Variants in ADAM12 observed in about 807,000 individuals in gnomAD.
ADAM12 encodes the protein ADAM metallopeptidase domain 12, also known as disintegrin and metalloproteinase domain-containing protein 12.
ADAM12 carries 70 observed loss-of-function variants against 106.4 expected under a neutral mutation model. That is an observed-to-expected ratio of 0.66 (90% CI 0.54 to 0.80). The LOEUF is 0.80. Among genes scored for constraint, ADAM12 ranks in the 30% least tolerant of loss-of-function variants. ADAM12 has a pLI of 0.00. For synonymous variants in ADAM12, 420 were observed against 433.5 expected, an observed-to-expected ratio of 0.97 and a Z score of 0.39; for missense variants, 1,010 against 1,171.9, an observed-to-expected ratio of 0.86 and a Z score of 2.02.
At chr10:126,220,278 G>A (rs535087983) in intron 3 of ADAM12, among the ~76,000 whole-genome samples, 64 of 152,148 alleles carry the variant, frequency 4.2e-4, no homozygotes, top group Admixed American at 7.9e-4. Context: ...ACGAGGTGCC[G>A]AGCACCACAC....
chr10:126,014,011 G>T lies in ADAM12; in HGVS notation c.*3268C>A, dbSNP rs966982802. The stretch of plus-strand genomic sequence containing the variant: ...GTGAGGAAGGATCTCCAGCCTGAGT[G>T]TGCCGTGGGCCCCCCGAATACATAG... On this transcript the variant is annotated 3_prime_UTR_variant, in exon 23 of 23. Transcript: ENST00000448723. The T allele has an allele frequency of 1.3e-5, 2 of 152,370 alleles. No individual in the cohort carries two copies. The highest frequency in any genetic ancestry group is 4.8e-5 in the African/African-American group (2 of 41,456). The allele number at this position is 152,370 out of a possible 1,614,324, so 9.4% of individuals were successfully genotyped here.
intron 5 of ADAM12, among the ~76,000 whole-genome samples, chr10:126,128,834 G>T (rs1364287780): frequency 8.0e-6 from 1 of 124,728 alleles, no homozygotes; most frequent in African/African-American, 3.1e-5. Flanking sequence ...GTGAGTGTGT[G>T]GTGCGTGTGG....
chr10:126,256,222 AC>A (rs1958889914), intron 3 of ADAM12, among the ~76,000 whole-genome samples: 1 of 152,220 alleles, frequency 6.6e-6, no homozygotes, highest in Admixed American at 6.5e-5. Flanking sequence ...TCTACCAATC[AC>A]ATTGTATGAA....
intron 3 of ADAM12, among the ~76,000 whole-genome samples, chr10:126,245,912 G>A (rs896483922): frequency 2.6e-5 from 4 of 152,190 alleles, no homozygotes; most frequent in Non-Finnish European, 5.9e-5. Flanking sequence ...GCCTACAGGT[G>A]TGTACGGTTT....
At chr10:126,306,299 GTA>G (rs1189081921) in intron 2 of ADAM12, among the ~76,000 whole-genome samples, 2 of 151,806 alleles carry the variant, frequency 1.3e-5, no homozygotes, top group Non-Finnish European at 2.9e-5. Flanking sequence ...TATTAACTTA[GTA>G]TCTTTACTGT....
intron 3 of ADAM12, among the ~76,000 whole-genome samples, chr10:126,245,997 T>A (rs949474191): frequency 6.6e-6 from 1 of 151,894 alleles, no homozygotes; most frequent in South Asian, 2.1e-4. Context: ...GAGAAAATAG[T>A]TGGATTGACC....
intron 3 of ADAM12, among the ~76,000 whole-genome samples, chr10:126,261,985 CA>C (rs1959010882): frequency 6.6e-6 from 1 of 152,028 alleles, no homozygotes; most frequent in Non-Finnish European, 1.5e-5. Flanking sequence ...ACTTCTAAAT[CA>C]AAACCTATAG....
At chr10:126,243,489 A>ATGTGTGTGTGTGTGTGTGTGTGTG (rs57227903) in intron 3 of ADAM12, among the ~76,000 whole-genome samples, 42 of 146,946 alleles carry the variant, frequency 2.9e-4, no homozygotes, top group Non-Finnish European at 5.0e-4. Context: ...GTGTGAGTGT[A>ATGTGTGTGTGTGTGTGTGTGTGTG]TGTGTGTGTG....
chr10:126,275,355 T>C lies in ADAM12; in HGVS notation c.260+3560A>G, dbSNP rs4962547. ...GGTCCATAGGCAGACAGCAATATTG[T>C]GCAAAATGCTTCTCAGGGGCTATAC... On this transcript the variant is annotated intron_variant, in intron 3 of 22. Transcript: ENST00000448723. 8.4e-3 allele frequency among the ~76,000 whole-genome samples: 1,281 copies of C among 152,340 alleles called. 30 individuals are homozygous for C. The East Asian group carries it at 0.11, about 13-fold the overall frequency.
At chr10:126,167,015 A>C (rs1470974301) in intron 3 of ADAM12, among the ~76,000 whole-genome samples, 2 of 152,318 alleles carry the variant, frequency 1.3e-5, no homozygotes, top group East Asian at 3.9e-4. Flanking sequence ...CGTTTCTACC[A>C]ACACAGGTAA....
chr10:126,257,402 C>T (rs932356686), intron 3 of ADAM12, among the ~76,000 whole-genome samples: 2 of 152,172 alleles, frequency 1.3e-5, no homozygotes, highest in African/African-American at 2.4e-5. Flanking sequence ...GCAGGAATTG[C>T]ACTGAGTTTA....
At chr10:126,110,786 T>C (rs1325030198) in intron 6 of ADAM12, among the ~76,000 whole-genome samples, 1 of 152,202 alleles carries the variant, frequency 6.6e-6, no homozygotes, top group Middle Eastern at 3.2e-3. Flanking sequence ...AAGCAGTTCG[T>C]GGAGGGTGGT....
intron 3 of ADAM12, among the ~76,000 whole-genome samples, chr10:126,210,183 CGT>C (rs1489058708): frequency 2.0e-5 from 3 of 152,184 alleles, no homozygotes; most frequent in Non-Finnish European, 4.4e-5. Flanking sequence ...TTCATCTCTG[CGT>C]GGTGAACTCC....
intron 5 of ADAM12, among the ~76,000 whole-genome samples, chr10:126,135,008 G>A (rs1202293912): frequency 1.3e-5 from 2 of 152,270 alleles, no homozygotes; most frequent in Non-Finnish European, 2.9e-5. Context: ...TAACTGTGAT[G>A]TGGAAGGAAG....
chr10:126,101,012 C>A lies in ADAM12; in HGVS notation c.911+60G>T, dbSNP rs527566434. ...AGCTCCTGGGGCTGTGCAGGTGAAA[C>A]GAAGGGCTTCGCCGAGAGCACTCCT... On this transcript the variant is annotated intron_variant, in intron 9 of 22. Coordinates refer to ENST00000448723, the MANE Select transcript of ADAM12 (RefSeq NM_001288973.2). 1.1e-5 allele frequency: 17 copies of A among 1,581,280 alleles called. No homozygotes were observed. The East Asian group carries it at 3.6e-4, about 33-fold the overall frequency.
At chr10:126,025,655 T>C (rs10794056) in intron 21 of ADAM12, among the ~76,000 whole-genome samples, 36,692 of 151,610 alleles carry the variant, frequency 0.24, 4,810 homozygotes, top group East Asian at 0.33. Context: ...AAACAGAAAA[T>C]GACCCACAAA....
At position 126,101,155 on chromosome 10, in the gene ADAM12, T is replaced by C. The variant is rs1198589071; in HGVS notation, c.828A>G (p.Pro276=). The change falls in exon 9 of 23, where the codon CCA becomes CCG. Residue 276 remains proline (P), a synonymous_variant. Coordinates refer to ENST00000448723, the MANE Select transcript of ADAM12 (RefSeq NM_001288973.2). ...CCAGAAATTCATGGAGGCTGGTGAA[T>C]GGGTCCTGACTTACAGAGCATTTGT... ...DMDKCSVSQD[P]FTSLHEFLDW... 1 of 1,614,138 alleles carries C rather than the reference T, an allele frequency of 6.2e-7. No homozygotes were observed. Among genetic ancestry groups the C allele is most frequent in the South Asian group, 1.1e-5 (1 of 91,070 alleles).
intron 4 of ADAM12, among the ~76,000 whole-genome samples, chr10:126,148,055 C>A (rs1474959895): frequency 1.3e-5 from 2 of 152,108 alleles, no homozygotes; most frequent in Non-Finnish European, 2.9e-5. Context: ...TTAAAAGTAA[C>A]AATATAAAAC....
chr10:126,359,516 C>T (rs1184311937), intron 1 of ADAM12, among the ~76,000 whole-genome samples: 4 of 152,190 alleles, frequency 2.6e-5, no homozygotes, highest in East Asian at 1.9e-4. Flanking sequence ...ACAGGACCCA[C>T]GCAAGTTCAA....
Sources: allele counts gnomAD v4.1 joint callset (sites outside exome capture counted in the v4.1 genomes callset), GRCh38; gene constraint gnomAD v4.1.1; transcripts MANE v1.5; gene names NCBI Gene and HGNC (gene_info 2026-07-23, HGNC 2026-07-21).